Variants in SPAG16 observed in about 807,000 individuals in gnomAD.
SPAG16 encodes the protein sperm associated antigen 16, also known as sperm-associated antigen 16 protein.
In SPAG16, 86 loss-of-function variants were observed where a neutral mutation model predicts 80.4. That is an observed-to-expected ratio of 1.07 (90% CI 0.90 to 1.28). The LOEUF (loss-of-function observed/expected upper bound fraction) is 1.28. SPAG16 is among the 50% of genes most tolerant of loss of function. SPAG16 has a pLI of 0.00. For synonymous variants in SPAG16, 294 were observed against 265.9 expected, an observed-to-expected ratio of 1.11 and a Z score of -1.03; for missense variants, 870 against 765.3, an observed-to-expected ratio of 1.14 and a Z score of -1.61.
chr2:213,331,812 C>T (rs1404645938), intron 5 of SPAG16, among the ~76,000 whole-genome samples: 1 of 152,080 alleles, frequency 6.6e-6, no homozygotes, highest in African/African-American at 2.4e-5. Context: ...AAGAAGAAAA[C>T]TGAAAAATTT....
At chr2:213,982,078 C>G (rs549761861) in intron 12 of SPAG16, among the ~76,000 whole-genome samples, 3 of 151,568 alleles carry the variant, frequency 2.0e-5, no homozygotes, top group Middle Eastern at 3.4e-3. Context: ...ACAAATATGT[C>G]CTTAGTGAAA....
At chr2:213,474,211 A>G (rs2073251848) in intron 9 of SPAG16, among the ~76,000 whole-genome samples, 1 of 152,118 alleles carries the variant, frequency 6.6e-6, no homozygotes, top group African/African-American at 2.4e-5. Context: ...TTTCCAATCA[A>G]TGCCCTCACT....
intron 9 of SPAG16, among the ~76,000 whole-genome samples, chr2:213,465,510 C>T (rs1025719323): frequency 1.3e-5 from 2 of 152,144 alleles, no homozygotes; most frequent in African/African-American, 4.8e-5. Context: ...TCAGGCTTCC[C>T]AAGTTTCTCT....
At chr2:214,385,532 G>C (rs1700701408) in intron 15 of SPAG16, among the ~76,000 whole-genome samples, 1 of 152,054 alleles carries the variant, frequency 6.6e-6, no homozygotes, top group Admixed American at 6.6e-5. Context: ...TTTATTTTTA[G>C]GGTTATATCT....
chr2:213,949,292 G>A (rs1187639722), intron 12 of SPAG16, among the ~76,000 whole-genome samples: 4 of 147,472 alleles, frequency 2.7e-5, no homozygotes, highest in Non-Finnish European at 5.9e-5. Context: ...TGCCTCAGCC[G>A]CCTAAGTATC....
intron 9 of SPAG16, among the ~76,000 whole-genome samples, chr2:213,448,817 T>C (rs1004194146): frequency 1.3e-5 from 2 of 152,220 alleles, no homozygotes; most frequent in Non-Finnish European, 2.9e-5. Flanking sequence ...GTAATAATTA[T>C]GTTAACTGTA....
intron 7 of SPAG16, among the ~76,000 whole-genome samples, chr2:213,354,385 A>G (rs2065510233): frequency 6.6e-6 from 1 of 152,124 alleles, no homozygotes; most frequent in African/African-American, 2.4e-5. Context: ...CATTTATAAT[A>G]ATTTGGGTAT....
intron 12 of SPAG16, among the ~76,000 whole-genome samples, chr2:213,994,995 T>C (rs2046450208): frequency 6.6e-6 from 1 of 152,224 alleles, no homozygotes; most frequent in African/African-American, 2.4e-5. Context: ...TTAATTATGG[T>C]ATTTATTATT....
At chr2:213,959,723 T>C (rs1189868978) in intron 12 of SPAG16, among the ~76,000 whole-genome samples, 2 of 152,178 alleles carry the variant, frequency 1.3e-5, no homozygotes, top group South Asian at 2.1e-4. Flanking sequence ...CTCCCATCAG[T>C]ACCTGTAACC....
chr2:213,909,655 G>T (rs2077578187), intron 11 of SPAG16, among the ~76,000 whole-genome samples: 1 of 152,088 alleles, frequency 6.6e-6, no homozygotes, highest in South Asian at 2.1e-4. Flanking sequence ...AAATGGTGCT[G>T]GGAAAACTGG....
At chr2:213,621,472 G>A (rs781064188) in intron 10 of SPAG16, among the ~76,000 whole-genome samples, 4 of 152,122 alleles carry the variant, frequency 2.6e-5, no homozygotes, top group Non-Finnish European at 5.9e-5. Context: ...ATGATGGAGT[G>A]GGAATTTTTA....
intron 14 of SPAG16, among the ~76,000 whole-genome samples, chr2:214,120,609 AC>A (rs1294378749): frequency 6.6e-6 from 1 of 151,774 alleles, no homozygotes. Context: ...GTATTGTTGT[AC>A]CCAATGAGTA....
intron 10 of SPAG16, among the ~76,000 whole-genome samples, chr2:213,529,102 G>T (rs2075982079): frequency 6.6e-6 from 1 of 152,124 alleles, no homozygotes; most frequent in Non-Finnish European, 1.5e-5. Context: ...ACACATTAAT[G>T]AAACTATTCT....
chr2:214,294,101 T>C (rs1162111532), intron 15 of SPAG16, among the ~76,000 whole-genome samples: 1 of 152,226 alleles, frequency 6.6e-6, no homozygotes, highest in African/African-American at 2.4e-5. Flanking sequence ...TGGTGCCATA[T>C]TGCAGCTGCT....
chr2:214,188,096 T>A (rs975165311), intron 15 of SPAG16, among the ~76,000 whole-genome samples: 5 of 152,102 alleles, frequency 3.3e-5, no homozygotes, highest in African/African-American at 1.2e-4. Flanking sequence ...TATCATCCCT[T>A]TCTTTGCATA....
At chr2:213,766,038 G>A (rs572228829) in intron 10 of SPAG16, among the ~76,000 whole-genome samples, 2 of 152,302 alleles carry the variant, frequency 1.3e-5, no homozygotes, top group East Asian at 1.9e-4. Context: ...TGAGAGCTTC[G>A]TGGCTTTAAC....
At chr2:214,389,302 G>C (rs920735464) in intron 15 of SPAG16, among the ~76,000 whole-genome samples, 1 of 152,166 alleles carries the variant, frequency 6.6e-6, no homozygotes. Context: ...AAAATAACTA[G>C]TTCTACCAAA....
At chr2:213,967,897 G>A (rs139494386) in intron 12 of SPAG16, among the ~76,000 whole-genome samples, 3 of 152,084 alleles carry the variant, frequency 2.0e-5, no homozygotes, top group African/African-American at 7.2e-5. Context: ...GATAATGCTG[G>A]TTTATAGGGA....
intron 6 of SPAG16, among the ~76,000 whole-genome samples, chr2:213,349,173 T>G (rs1373974301): frequency 6.6e-6 from 1 of 152,210 alleles, no homozygotes; most frequent in Non-Finnish European, 1.5e-5. Context: ...AAATGCAGCA[T>G]ATTGAAATGC....
Sources: gnomAD v4.1 joint callset for allele counts (sites outside exome capture counted in the v4.1 genomes callset) on GRCh38, gnomAD v4.1.1 for gene constraint, MANE v1.5 for transcripts, NCBI Gene and HGNC (gene_info 2026-07-23, HGNC 2026-07-21) for gene names.